DCAKD: variants seen among roughly 807,000 people sequenced by gnomAD.
DCAKD encodes the protein dephospho-CoA kinase domain containing.
DCAKD carries 15 observed loss-of-function variants against 18.7 expected under a neutral mutation model. The ratio of observed to expected loss-of-function variants is 0.80; its 90% CI spans 0.54 to 1.24. The LOEUF is 1.24. Ranked by LOEUF, DCAKD falls within the 50% of genes most tolerant of loss-of-function variation. DCAKD has a pLI of 0.00. For missense variants in DCAKD, 301 were observed against 322.0 expected, an observed-to-expected ratio of 0.93 and a Z score of 0.50; for synonymous variants, 130 against 133.0, an observed-to-expected ratio of 0.98 and a Z score of 0.16.
In DCAKD at chr17:45,030,295, C is replaced by G. The variant is rs1476314779; in HGVS notation, c.317-116G>C. On this transcript the variant is annotated intron_variant, in intron 3 of 4. Transcript: ENST00000651974. ...AGCAGAGGGGCAGGCCTTCCAAGGA[C>G]ACACATACCCTGCACACTGGCCGGT... The G allele has an allele frequency of 3.9e-5, 33 of 838,770 alleles. 2 individuals are homozygous for G. The South Asian group carries it at 4.5e-4, about 12-fold the overall frequency. The allele number at this position is 838,770 out of a possible 1,614,324, so 52.0% of individuals were successfully genotyped here. A position where few individuals can be genotyped will look rare whatever the true frequency, so the allele number is the denominator to read the frequency against.
intron 4 of DCAKD, among the ~76,000 whole-genome samples, chr17:45,026,218 CTTT>C (rs1180056946): frequency 9.6e-4 from 105 of 109,164 alleles, no homozygotes; most frequent in Non-Finnish European, 1.5e-3. Flanking sequence ...CGCGCCTGGA[CTTT>C]TTTTTTTTTT....
In DCAKD at chr17:45,031,879, T is replaced by C. The variant is rs1380478412; in HGVS notation, c.317-1700A>G. Reference sequence around the variant, plus strand: ...GTTTGATTATACCAACTTTGACAGTTGTATTTGTTATACTCATCAGGGAAA... The same window carrying C: ...GTTTGATTATACCAACTTTGACAGTCGTATTTGTTATACTCATCAGGGAAA... On this transcript the variant is annotated intron_variant, in intron 3 of 4. Coordinates refer to ENST00000651974, the MANE Select transcript of DCAKD (RefSeq NM_001288655.2). The C allele has an allele frequency of 4.1e-6, 4 of 985,334 alleles. No individual in the cohort carries two copies. The African/African-American group carries it at 7.0e-5, about 17-fold the overall frequency. 61.0% of individuals were successfully genotyped at this position (985,334 alleles called of 1,614,324 possible). A position where few individuals can be genotyped will look rare whatever the true frequency, so the allele number is the denominator to read the frequency against.
intron 4 of DCAKD, among the ~76,000 whole-genome samples, chr17:45,027,489 ACCTCTCT>A (rs1449414144): frequency 2.0e-5 from 3 of 152,144 alleles, no homozygotes; most frequent in Non-Finnish European, 4.4e-5. Flanking sequence ...AAGCATCACC[ACCTCTCT>A]GGCATCTCTC....
intron 1 of DCAKD, among the ~76,000 whole-genome samples, chr17:45,041,828 G>T (rs1193286124): frequency 1.3e-5 from 2 of 151,914 alleles, no homozygotes; most frequent in Non-Finnish European, 2.9e-5. Context: ...GGTATCAAGA[G>T]CAATGGGGGG....
intron 3 of DCAKD, chr17:45,031,188 G>C (rs1230872982): frequency 4.1e-6 from 4 of 985,212 alleles, no homozygotes; most frequent in Non-Finnish European, 4.8e-6. Context: ...CAATTCCAAG[G>C]GTGTCACGGG....
chr17:45,048,509 T>C (rs550267942), intron 1 of DCAKD, among the ~76,000 whole-genome samples: 2 of 152,272 alleles, frequency 1.3e-5, no homozygotes, highest in Non-Finnish European at 2.9e-5. Context: ...TGGTGGTACA[T>C]GCCCATAGTC....
chr17:45,036,283 G>A (rs2053296086), intron 1 of DCAKD, among the ~76,000 whole-genome samples: 1 of 152,218 alleles, frequency 6.6e-6, no homozygotes, highest in Non-Finnish European at 1.5e-5. Flanking sequence ...TTGGGAGGCC[G>A]AGGCAGGCAG....
intron 1 of DCAKD, among the ~76,000 whole-genome samples, chr17:45,060,433 G>A (rs2053836935): frequency 6.6e-6 from 1 of 152,032 alleles, no homozygotes. Context: ...GCTGAGGTGG[G>A]AGGATACCTT....
upstream of DCAKD, among the ~76,000 whole-genome samples, chr17:45,053,101 T>C (rs1446684004): frequency 3.0e-5 from 4 of 132,136 alleles, no homozygotes; most frequent in Admixed American, 3.3e-4. Context: ...AGGTGGAGGT[T>C]GCAGTGAGCC....
At chr17:45,029,443 G>T (rs1395136476) in intron 4 of DCAKD, among the ~76,000 whole-genome samples, 2 of 152,210 alleles carry the variant, frequency 1.3e-5, no homozygotes, top group Non-Finnish European at 2.9e-5. Context: ...GGAAGCTTCT[G>T]GGTAGCAGAG....
chr17:45,053,037 C>A (rs2053738287), upstream of DCAKD, among the ~76,000 whole-genome samples: 1 of 146,140 alleles, frequency 6.8e-6, no homozygotes, highest in African/African-American at 2.5e-5. Flanking sequence ...GTGGTGAATG[C>A]CTGTAATCCC....
chr17:45,042,674 C>A (rs1294393017), intron 1 of DCAKD, among the ~76,000 whole-genome samples: 1 of 152,236 alleles, frequency 6.6e-6, no homozygotes, highest in Non-Finnish European at 1.5e-5. Flanking sequence ...TTCCAGTTAA[C>A]TATTAAGTGC....
intron 1 of DCAKD, among the ~76,000 whole-genome samples, chr17:45,059,599 CTGATATAGAATA>C (rs935219595): frequency 6.6e-6 from 1 of 152,126 alleles, no homozygotes; most frequent in African/African-American, 2.4e-5. Context: ...CTTTTTTCCC[CTGATATAGAATA>C]CGCACTGGAG....
intron 3 of DCAKD, chr17:45,032,151 G>C: frequency 1.0e-6 from 1 of 984,076 alleles, no homozygotes. Context: ...AGAAAGGGCA[G>C]GAATGAAAGG....
intron 1 of DCAKD, among the ~76,000 whole-genome samples, chr17:45,049,428 C>T (rs1162251089): frequency 6.7e-5 from 10 of 148,910 alleles, no homozygotes; most frequent in Admixed American, 4.7e-4. Context: ...GATCCCATCT[C>T]GGAAAAAATA....
intron 1 of DCAKD, among the ~76,000 whole-genome samples, chr17:45,057,343 A>G (rs1373186540): frequency 6.6e-6 from 1 of 151,358 alleles, no homozygotes; most frequent in South Asian, 2.1e-4. Flanking sequence ...TCACCCAGCT[A>G]TATTTCTGCA....
intron 4 of DCAKD, among the ~76,000 whole-genome samples, chr17:45,029,379 C>T (rs1193860807): frequency 6.6e-6 from 1 of 152,238 alleles, no homozygotes; most frequent in Non-Finnish European, 1.5e-5. Flanking sequence ...GCCCAAAATA[C>T]CAGCAGAGCC....
chr17:45,037,384 T>C (rs2143264153), intron 1 of DCAKD, among the ~76,000 whole-genome samples: 1 of 152,188 alleles, frequency 6.6e-6, no homozygotes, highest in South Asian at 2.1e-4. Context: ...GGTTCAGTTG[T>C]AAAAACAAAC....
chr17:45,025,901 G>A (rs1387685662), intron 4 of DCAKD, among the ~76,000 whole-genome samples: 3 of 150,804 alleles, frequency 2.0e-5, no homozygotes, highest in African/African-American at 7.3e-5. Context: ...ACTGGCATGC[G>A]CCACTAAGCT....
Sources: allele counts gnomAD v4.1 joint callset (sites outside exome capture counted in the v4.1 genomes callset), GRCh38; gene constraint gnomAD v4.1.1; transcripts MANE v1.5; gene names NCBI Gene and HGNC (gene_info 2026-07-23, HGNC 2026-07-21).